DCT: variants seen among roughly 807,000 people sequenced by gnomAD.
DCT encodes the protein L-dopachrome tautomerase.
A neutral mutation model predicts 53.0 loss-of-function variants in DCT; 47 were observed. That is an observed-to-expected ratio of 0.89 (90% confidence interval 0.70 to 1.13). The LOEUF (loss-of-function observed/expected upper bound fraction) is 1.13. Among genes scored for constraint, DCT ranks in the 50% most tolerant of loss-of-function variants. DCT has a pLI of 0.00. For missense variants in DCT, 669 were observed against 637.4 expected (o/e 1.05, Z -0.53); for synonymous variants, 244 against 237.0 (o/e 1.03, Z -0.27).
chr13:94,483,701 C>G (rs1352282954), upstream of DCT, among the ~76,000 whole-genome samples: 1 of 152,080 alleles, frequency 6.6e-6, no homozygotes, highest in Non-Finnish European at 1.5e-5. Context: ...GAAGTTTCAC[C>G]ATGTTGGCCA....
chr13:94,538,608 A>G, the DCT span, among the ~76,000 whole-genome samples: 1 of 152,366 alleles, frequency 6.6e-6, no homozygotes, highest in Admixed American at 6.5e-5. Context: ...ATTCAAGGGT[A>G]TAAACCATAG....
chr13:94,439,781 A>C lies in DCT; in HGVS notation c.*117T>G, dbSNP rs1813349236. 5.2e-6 allele frequency: 4 copies of C among 770,988 alleles called. No individual in the cohort carries two copies. The Admixed American group carries it at 1.0e-4, about 20-fold the overall frequency. The allele number at this position is 770,988 out of a possible 1,614,324, so 47.8% of individuals were successfully genotyped here. A position where few individuals can be genotyped will look rare whatever the true frequency, so the allele number is the denominator to read the frequency against. The stretch of plus-strand genomic sequence containing the variant: ...CTGAATGAGATCATCATCACTATAG[A>C]AGAACCTATGTCAAAGATCTTCAAC... On this transcript the variant is annotated 3_prime_UTR_variant, in exon 8 of 8. Coordinates refer to ENST00000377028, the MANE Select transcript of DCT (RefSeq NM_001922.5).
chr13:94,491,920 A>G, the DCT span, among the ~76,000 whole-genome samples: 1 of 152,236 alleles, frequency 6.6e-6, no homozygotes, highest in African/African-American at 2.4e-5. Context: ...GTTAAAGATC[A>G]TTTAGACCAA....
chr13:94,460,176 A>C lies in DCT; in HGVS notation c.1094T>G (p.Val365Gly). The C allele has an allele frequency of 6.2e-7, 1 of 1,613,978 alleles. No individual in the cohort carries two copies. The highest frequency in any genetic ancestry group is 8.5e-7 in the Non-Finnish European group (1 of 1,179,828). The change falls in exon 6 of 8, where the codon GTG (valine) becomes GGG (glycine). Residue 365 changes from valine to glycine, a missense_variant. By Grantham distance (109) the Val-to-Gly change is moderately radical. Coordinates refer to ENST00000377028, the MANE Select transcript of DCT (RefSeq NM_001922.5). ...ATGAACCAAATTATGAAGGCTCATC[A>C]CTTGAGAATCCAGAGTCCCATCTGC... ...DKADGTLDSQ[V>G]MSLHNLVHSF...
At chr13:94,461,283 G>T (rs1005306591) in intron 5 of DCT, among the ~76,000 whole-genome samples, 8 of 152,206 alleles carry the variant, frequency 5.3e-5, no homozygotes, top group Middle Eastern at 3.4e-3. Flanking sequence ...CTGGGAGCAG[G>T]GCATGAAACA....
At chr13:94,526,129 C>T in the DCT span, among the ~76,000 whole-genome samples, 1 of 152,224 alleles carries the variant, frequency 6.6e-6, no homozygotes, top group African/African-American at 2.4e-5. Context: ...GGGCATATGG[C>T]TCCTGGGTCC....
rs867956057 is a variant in DCT at position 94,466,860 on chromosome 13, C to A, written c.596-202G>T. The A allele has an allele frequency of 4.1e-5, 14 of 338,726 alleles. 1 individual carries two copies. In the South Asian group the frequency reaches 1.2e-3, roughly 28 times the overall value. The allele number at this position is 338,726 out of a possible 1,614,324, so 21.0% of individuals were successfully genotyped here. A position where few individuals can be genotyped will look rare whatever the true frequency, so the allele number is the denominator to read the frequency against. On this transcript the variant is annotated intron_variant, in intron 2 of 7. Coordinates refer to ENST00000377028, the MANE Select transcript of DCT (RefSeq NM_001922.5). ...AGTAACTAGTACTTTTAGGATAAAC[C>A]CTCCTTTATCTCTTAAAAGGTTGAT...
chr13:94,516,984 G>A, the DCT span, among the ~76,000 whole-genome samples: 4 of 152,126 alleles, frequency 2.6e-5, no homozygotes, highest in African/African-American at 9.7e-5. Context: ...AATTTCAAAA[G>A]CGTGTTCTAA....
At chr13:94,465,968 TTA>T (rs3044355) in intron 3 of DCT, among the ~76,000 whole-genome samples, 169 bp from the exon 4 acceptor site, 686 of 77,026 alleles carry the variant, frequency 8.9e-3, no homozygotes, top group Middle Eastern at 0.016. Context: ...TGTGTATATT[TTA>T]TATATATATA....
the DCT span, among the ~76,000 whole-genome samples, chr13:94,531,964 A>C: frequency 4.6e-5 from 7 of 152,318 alleles, no homozygotes; most frequent in South Asian, 1.5e-3. Flanking sequence ...TCCCATCAAA[A>C]AGTGGTCAAA....
the DCT span, among the ~76,000 whole-genome samples, chr13:94,498,141 G>A: frequency 6.6e-6 from 1 of 152,182 alleles, no homozygotes; most frequent in South Asian, 2.1e-4. Context: ...CCCAAAGTTG[G>A]TGTGTCAAGA....
chr13:94,470,716 G>A (rs1048952308), intron 1 of DCT, among the ~76,000 whole-genome samples: 2 of 152,068 alleles, frequency 1.3e-5, no homozygotes, highest in Non-Finnish European at 2.9e-5. Flanking sequence ...CTCTTTACCT[G>A]CGTGATCCAT....
the DCT span, among the ~76,000 whole-genome samples, chr13:94,529,795 C>T: frequency 6.6e-6 from 1 of 152,170 alleles, no homozygotes; most frequent in African/African-American, 2.4e-5. Context: ...AAGATCAGAG[C>T]AGACCTCAAG....
At chr13:94,456,828 G>T (rs190676061) in intron 6 of DCT, among the ~76,000 whole-genome samples, 2 of 152,170 alleles carry the variant, frequency 1.3e-5, no homozygotes, top group Non-Finnish European at 2.9e-5. Context: ...CCTCCAAAAA[G>T]TCCAGAAAAA....
At chr13:94,469,930 C>T (rs919997833) in intron 1 of DCT, among the ~76,000 whole-genome samples, 2 of 151,922 alleles carry the variant, frequency 1.3e-5, no homozygotes. Flanking sequence ...CAAAAATTAG[C>T]GGGGCGTGGT....
chr13:94,517,085 G>C, the DCT span, among the ~76,000 whole-genome samples: 5 of 152,094 alleles, frequency 3.3e-5, no homozygotes, highest in East Asian at 7.7e-4. Flanking sequence ...CCCAAATATG[G>C]TCATTTCCTA....
chr13:94,461,615 C>A (rs117049428), intron 5 of DCT, among the ~76,000 whole-genome samples: 2 of 152,206 alleles, frequency 1.3e-5, no homozygotes, highest in Non-Finnish European at 2.9e-5. Context: ...AGATCTCAGA[C>A]CTCACTATTA....
chr13:94,447,287 G>C (rs1173613212), intron 6 of DCT, among the ~76,000 whole-genome samples: 1 of 152,180 alleles, frequency 6.6e-6, no homozygotes, highest in Admixed American at 6.5e-5. Context: ...AAGGGAGATG[G>C]TTTCAGGATG....
the DCT span, among the ~76,000 whole-genome samples, chr13:94,528,872 C>T: frequency 2.0e-5 from 3 of 152,284 alleles, no homozygotes; most frequent in Middle Eastern, 3.4e-3. Flanking sequence ...CAAGACCCAT[C>T]GGTGTGCTGT....
Sources: allele counts gnomAD v4.1 joint callset (sites outside exome capture counted in the v4.1 genomes callset), GRCh38; gene constraint gnomAD v4.1.1; transcripts MANE v1.5; gene names NCBI Gene and HGNC (gene_info 2026-07-23, HGNC 2026-07-21).